UIMC1: variants seen among roughly 807,000 people sequenced by gnomAD.
UIMC1 encodes ubiquitin interaction motif containing 1.
In UIMC1, 42 loss-of-function variants were observed where a neutral mutation model predicts 84.9. The observed-to-expected ratio is 0.49, with a 90% CI of 0.39 to 0.64. The LOEUF (loss-of-function observed/expected upper bound fraction) is 0.64, where lower values mean the gene tolerates loss of function less well. UIMC1 is among the 30% of genes least tolerant of loss of function. UIMC1 has a pLI of 0.00. For synonymous variants in UIMC1, 281 were observed against 293.0 expected (o/e 0.96, Z 0.42); for missense variants, 825 against 847.6 (o/e 0.97, Z 0.33).
At chr5:176,931,973 T>C (rs1763139689) in intron 10 of UIMC1, among the ~76,000 whole-genome samples, 1 of 152,026 alleles carries the variant, frequency 6.6e-6, no homozygotes, top group South Asian at 2.1e-4. Context: ...AATCCATCTC[T>C]AAAAAACAAA....
At chr5:177,014,102 C>CTTTTTTTTTTTTTT (rs1775624030) in intron 1 of UIMC1, among the ~76,000 whole-genome samples, 1 of 145,886 alleles carries the variant, frequency 6.9e-6, no homozygotes. Context: ...CTCTTGTTGC[C>CTTTTTTTTTTTTTT]CAAGTTAGAG....
intron 3 of UIMC1, among the ~76,000 whole-genome samples, chr5:176,971,206 GC>G (rs1473714567): frequency 1.3e-5 from 2 of 152,194 alleles, no homozygotes; most frequent in African/African-American, 4.8e-5. Flanking sequence ...AGGAATTAAT[GC>G]CCACTCTAGA....
intron 2 of UIMC1, 131 bp from the exon 3 acceptor site, chr5:176,975,611 AT>A: frequency 1.3e-6 from 1 of 787,290 alleles, no homozygotes; most frequent in Non-Finnish European, 2.0e-6. Flanking sequence ...CACATAAAAC[AT>A]TAGAAGATCC....
At chr5:176,985,041 T>C (rs1332829549) in intron 1 of UIMC1, among the ~76,000 whole-genome samples, 4 of 152,068 alleles carry the variant, frequency 2.6e-5, no homozygotes, top group African/African-American at 9.7e-5. Context: ...TATTATCCTA[T>C]GACCCTGCCA....
chr5:176,968,441 A>C, intron 6 of UIMC1, 114 bp downstream of exon 6: 1 of 1,393,920 alleles, frequency 7.2e-7, no homozygotes, highest in Non-Finnish European at 9.7e-7. Context: ...TCTATAGTGA[A>C]CATGTATTAC....
At chr5:176,955,039 T>C (rs1766421666) in intron 8 of UIMC1, among the ~76,000 whole-genome samples, 1 of 152,182 alleles carries the variant, frequency 6.6e-6, no homozygotes, top group Non-Finnish European at 1.5e-5. Flanking sequence ...TCCCTCAATC[T>C]CACAGGAATG....
intron 1 of UIMC1, among the ~76,000 whole-genome samples, chr5:177,000,752 G>A (rs139925375): frequency 0.012 from 1,772 of 151,972 alleles, 38 homozygotes; most frequent in African/African-American, 0.04. Flanking sequence ...CACCTGCCTC[G>A]GACTCCCAAA....
intron 10 of UIMC1, among the ~76,000 whole-genome samples, chr5:176,931,992 C>A (rs1233087038): frequency 2.0e-5 from 3 of 151,960 alleles, no homozygotes; most frequent in East Asian, 3.9e-4. Flanking sequence ...AACAAACAAA[C>A]AAAAAAAGAA....
intron 9 of UIMC1, among the ~76,000 whole-genome samples, chr5:176,945,100 A>T (rs1026693157): frequency 6.6e-6 from 1 of 152,208 alleles, no homozygotes; most frequent in Admixed American, 6.5e-5. Flanking sequence ...CAGAAATAAA[A>T]AGCCTCTTCC....
intron 10 of UIMC1, among the ~76,000 whole-genome samples, chr5:176,914,268 T>C (rs954781943): frequency 1.3e-5 from 2 of 152,182 alleles, no homozygotes. Context: ...TCTGATGTTA[T>C]TAGCTCTCCT....
At chr5:176,957,082 T>A (rs1766702126) in intron 7 of UIMC1, among the ~76,000 whole-genome samples, 1 of 152,106 alleles carries the variant, frequency 6.6e-6, no homozygotes, top group African/African-American at 2.4e-5. Context: ...AAAACCTACA[T>A]CTGCTCTGCA....
chr5:177,014,960 C>T (rs1775641606), intron 1 of UIMC1, among the ~76,000 whole-genome samples: 1 of 152,068 alleles, frequency 6.6e-6, no homozygotes, highest in Non-Finnish European at 1.5e-5. Context: ...AGACCAGGCA[C>T]GGTGGCTCAT....
At chr5:176,940,222 A>T (rs1266580009) in intron 10 of UIMC1, among the ~76,000 whole-genome samples, 7 of 152,242 alleles carry the variant, frequency 4.6e-5, no homozygotes, top group African/African-American at 7.2e-5. Context: ...AGTAAGGAAG[A>T]CCGGCTTAAC....
intron 3 of UIMC1, among the ~76,000 whole-genome samples, chr5:176,971,163 T>G (rs1330385260): frequency 6.6e-6 from 1 of 152,254 alleles, no homozygotes; most frequent in Admixed American, 6.5e-5. Context: ...GGGCACATGG[T>G]ACGTAATAAA....
intron 1 of UIMC1, among the ~76,000 whole-genome samples, chr5:176,996,514 A>T (rs1171844569): frequency 6.6e-6 from 1 of 152,212 alleles, no homozygotes; most frequent in African/African-American, 2.4e-5. Context: ...AAGCTAACCC[A>T]AAACAGTCAA....
At chr5:176,918,692 T>C (rs1472099639) in intron 10 of UIMC1, among the ~76,000 whole-genome samples, 2 of 152,210 alleles carry the variant, frequency 1.3e-5, no homozygotes, top group African/African-American at 4.8e-5. Context: ...CATCTAATCC[T>C]ATACTATCAT....
intron 1 of UIMC1, among the ~76,000 whole-genome samples, chr5:177,016,429 T>C (rs1191920807): frequency 3.9e-5 from 6 of 152,076 alleles, no homozygotes; most frequent in Non-Finnish European, 8.8e-5. Context: ...CGGTGGCTCA[T>C]GCCTGTAATT....
Position 176,970,795 on chromosome 5 carries a change from G to T in UIMC1, c.304C>A (p.Gln102Lys). 1 of 1,614,052 alleles carries T rather than the reference G, an allele frequency of 6.2e-7. No individual in the cohort carries two copies. The highest frequency in any genetic ancestry group is 2.2e-5 in the East Asian group (1 of 44,882). The change falls in exon 4 of 15, where the codon CAG becomes AAG. Residue 102 changes from glutamine (Q) to lysine (K), a missense_variant. Gln to Lys is a moderately conservative substitution (Grantham distance 53). Coordinates refer to ENST00000511320, the MANE Select transcript of UIMC1 (RefSeq NM_001199298.2). ...SEQEAREVNS[Q>K]EEEEEELLRK... ...AAGAGCTCCTCTTCTTCCTCCTCCT[G>T]GCTGTTCACCTCCCTAGCTTCCTGC...
At chr5:176,983,231 C>T (rs1292062271) in intron 1 of UIMC1, among the ~76,000 whole-genome samples, 1 of 151,990 alleles carries the variant, frequency 6.6e-6, no homozygotes, top group Non-Finnish European at 1.5e-5. Flanking sequence ...ATAGCCCTCT[C>T]CCTCTCCCCC....
Sources: gnomAD v4.1 joint callset for allele counts (sites outside exome capture counted in the v4.1 genomes callset) on GRCh38, gnomAD v4.1.1 for gene constraint, MANE v1.5 for transcripts, NCBI Gene and HGNC (gene_info 2026-07-23, HGNC 2026-07-21) for gene names.